ATP6V1A: variants seen among roughly 807,000 people sequenced by gnomAD.
The protein encoded by ATP6V1A is ATPase H+ transporting V1 subunit A, also known as V-type proton ATPase catalytic subunit A.
In ATP6V1A, 18 loss-of-function variants were observed where a neutral mutation model predicts 70.1. The ratio of observed to expected loss-of-function variants is 0.26; its 90% CI spans 0.18 to 0.38. The LOEUF is 0.38. Among genes scored for constraint, ATP6V1A ranks in the 10% least tolerant of loss-of-function variants. The probability of loss-of-function intolerance (pLI) is 1.00; values close to 1 mark genes in which losing one functional copy is unlikely to be tolerated. For synonymous variants in ATP6V1A, 232 were observed against 253.8 expected, an observed-to-expected ratio of 0.91 and a Z score of 0.82; for missense variants, 424 against 772.4, an observed-to-expected ratio of 0.55 and a Z score of 5.35.
intron 1 of ATP6V1A, among the ~76,000 whole-genome samples, chr3:113,767,472 A>C (rs1708786594): frequency 1.3e-5 from 2 of 152,200 alleles, no homozygotes; most frequent in African/African-American, 4.8e-5. Flanking sequence ...AGGAAGTAGG[A>C]AAATGATATA....
Position 113,748,151 on chromosome 3 carries a change from G to T in ATP6V1A, c.-14+1038G>T, listed in dbSNP as rs111670575. On this transcript the variant is annotated intron_variant, in intron 1 of 14. Coordinates refer to ENST00000273398, the MANE Select transcript of ATP6V1A (RefSeq NM_001690.4). ...AGCTTTCCCCATTTGTAAAACTCCC[G>T]GTGCCCTCTTCAGATTTTGATGAAT... Among the ~76,000 whole-genome samples the T allele has an allele frequency of 1.1e-3, 171 of 152,104 alleles. 2 individuals are homozygous for T. The highest frequency in any genetic ancestry group is 3.8e-3 in the African/African-American group (158 of 41,474).
At chr3:113,795,273 T>C in intron 10 of ATP6V1A, 69 bp downstream of exon 10, 1 of 1,494,056 alleles carries the variant, frequency 6.7e-7, no homozygotes, top group Non-Finnish European at 9.1e-7. Context: ...AGAAAAAAAG[T>C]CACTTATTTT....
At chr3:113,750,468 T>C (rs528473728) in intron 1 of ATP6V1A, among the ~76,000 whole-genome samples, 1 of 151,930 alleles carries the variant, frequency 6.6e-6, no homozygotes, top group Non-Finnish European at 1.5e-5. Context: ...GGCAACAGAG[T>C]GAGACTCCAT....
chr3:113,772,669 A>G lies in ATP6V1A; in HGVS notation c.-13-6072A>G, dbSNP rs181269498. 8.2e-3 allele frequency among the ~76,000 whole-genome samples: 1,237 copies of G among 151,032 alleles called. 10 individuals are homozygous for G. Among genetic ancestry groups the G allele is most frequent in the South Asian group, 0.016 (76 of 4,734 alleles). On this transcript the variant is annotated intron_variant, in intron 1 of 14. Transcript: ENST00000273398. ...CGTGAACCTGGGAGGCGGAGCTTGCAGTGAGCCAAGATTGCACCACTGCAC... is the reference window on the plus strand; with the variant it reads ...CGTGAACCTGGGAGGCGGAGCTTGCGGTGAGCCAAGATTGCACCACTGCAC...
intron 3 of ATP6V1A, among the ~76,000 whole-genome samples, chr3:113,781,556 G>A (rs565534831): frequency 7.2e-5 from 11 of 152,200 alleles, no homozygotes; most frequent in African/African-American, 2.6e-4. Context: ...AGCCAAAGGT[G>A]GAAGCAGCAA....
At chr3:113,748,021 C>T (rs1708543833) in intron 1 of ATP6V1A, among the ~76,000 whole-genome samples, 1 of 152,194 alleles carries the variant, frequency 6.6e-6, no homozygotes, top group Admixed American at 6.5e-5. Flanking sequence ...CAATCCTTCC[C>T]TTTTTGTCAT....
chr3:113,789,018 A>G, intron 7 of ATP6V1A, 143 bp downstream of exon 7: 1 of 744,138 alleles, frequency 1.3e-6, no homozygotes. Flanking sequence ...TATATTTGTA[A>G]TTAATCTGTA....
intron 10 of ATP6V1A, 51 bp from the exon 11 acceptor site, chr3:113,795,825 C>T (rs550799627): frequency 1.4e-6 from 2 of 1,384,410 alleles, no homozygotes; most frequent in Non-Finnish European, 2.0e-6. Context: ...TTTTCATAAG[C>T]ATTTCTAATG....
chr3:113,766,057 A>T lies in ATP6V1A; in HGVS notation c.-13-12684A>T, dbSNP rs950574565. Among the ~76,000 whole-genome samples, 5 of 152,016 alleles carry T rather than the reference A, an allele frequency of 3.3e-5. No individual in the cohort carries two copies. In the East Asian group the frequency reaches 9.6e-4, roughly 29 times the overall value. Reference sequence around the variant, plus strand: ...TTCTCCCTTGTGCTTGCGTTTTTACATAGGGTCAGTAAATAATACAAAAAA... The same window carrying T: ...TTCTCCCTTGTGCTTGCGTTTTTACTTAGGGTCAGTAAATAATACAAAAAA... On this transcript the variant is annotated intron_variant, in intron 1 of 14. Transcript: ENST00000273398.
intron 5 of ATP6V1A, 82 bp downstream of exon 5, chr3:113,784,915 A>G: frequency 2.2e-6 from 3 of 1,394,466 alleles, no homozygotes; most frequent in Non-Finnish European, 2.9e-6. Flanking sequence ...CTAAGTAATT[A>G]AAGAATTGAT....
chr3:113,775,016 A>G (rs1283381207), intron 1 of ATP6V1A, among the ~76,000 whole-genome samples: 6 of 152,156 alleles, frequency 3.9e-5, no homozygotes, highest in Admixed American at 3.9e-4. Context: ...AATGGAAGGC[A>G]CTAAAGAGAA....
In ATP6V1A at chr3:113,795,139, A is replaced by G; in HGVS notation, c.1161A>G (p.Glu387=). 3.1e-6 allele frequency: 5 copies of G among 1,614,202 alleles called. No individual in the cohort carries two copies. The highest frequency in any genetic ancestry group is 4.2e-6 in the Non-Finnish European group (5 of 1,180,014). ...YLGARLASFY[E]RAGRVKCLGN... ...GTGCCCGTCTGGCCTCGTTTTATGA[A>G]CGAGCAGGCAGGGTGAAATGTCTTG... is the stretch of plus-strand genomic sequence containing the variant. Residue 387 remains glutamate (E), a synonymous_variant, in exon 10 of 15, where the codon GAA becomes GAG. Coordinates refer to ENST00000273398, the MANE Select transcript of ATP6V1A (RefSeq NM_001690.4).
At chr3:113,768,254 T>A (rs1027893318) in intron 1 of ATP6V1A, among the ~76,000 whole-genome samples, 1 of 152,270 alleles carries the variant, frequency 6.6e-6, no homozygotes. Context: ...GTCTACACAT[T>A]TCATTGTAGT....
At chr3:113,758,808 A>C (rs1393011150) in intron 1 of ATP6V1A, among the ~76,000 whole-genome samples, 1 of 152,194 alleles carries the variant, frequency 6.6e-6, no homozygotes, top group African/African-American at 2.4e-5. Flanking sequence ...TGAGTGTGTT[A>C]GTTGTTCTAC....
intron 6 of ATP6V1A, among the ~76,000 whole-genome samples, chr3:113,788,421 A>G (rs1168756418): frequency 6.7e-6 from 1 of 149,470 alleles, no homozygotes; most frequent in Non-Finnish European, 1.5e-5. Context: ...TGCAACCTCC[A>G]CCTCTCAGGT....
At chr3:113,759,833 A>T (rs548840695) in intron 1 of ATP6V1A, among the ~76,000 whole-genome samples, 11 of 152,312 alleles carry the variant, frequency 7.2e-5, no homozygotes, top group African/African-American at 2.4e-4. Flanking sequence ...GTCACTGAAC[A>T]ATATTTAGTA....
chr3:113,776,685 T>G (rs1708915750), intron 1 of ATP6V1A, among the ~76,000 whole-genome samples: 1 of 152,216 alleles, frequency 6.6e-6, no homozygotes. Context: ...TAGTTCTCCC[T>G]CAATCTTCAG....
chr3:113,752,753 A>G (rs1708601265), intron 1 of ATP6V1A, among the ~76,000 whole-genome samples: 1 of 152,088 alleles, frequency 6.6e-6, no homozygotes, highest in African/African-American at 2.4e-5. Flanking sequence ...ATGGTGAAAA[A>G]GGGCACATAT....
chr3:113,748,799 G>A (rs1270682664), intron 1 of ATP6V1A, among the ~76,000 whole-genome samples: 1 of 152,048 alleles, frequency 6.6e-6, no homozygotes. Flanking sequence ...TCGTACTTAC[G>A]ACCCATACTG....
Sources: allele counts gnomAD v4.1 joint callset (sites outside exome capture counted in the v4.1 genomes callset), GRCh38; gene constraint gnomAD v4.1.1; transcripts MANE v1.5; gene names NCBI Gene and HGNC (gene_info 2026-07-23, HGNC 2026-07-21).